The following OR2L13 variants were observed in gnomAD, a reference collection of about 807,000 sequenced individuals.
OR2L13 encodes the protein olfactory receptor 2L13.
A neutral mutation model predicts 15.3 loss-of-function variants in OR2L13; 14 were observed. The observed-to-expected ratio is 0.91, with a 90% CI of 0.60 to 1.43. The LOEUF (loss-of-function observed/expected upper bound fraction) is 1.43, where lower values mean the gene tolerates loss of function less well. OR2L13 is among the 40% of genes most tolerant of loss of function. OR2L13 has a pLI of 0.00. For missense variants in OR2L13, 367 were observed against 387.9 expected (o/e 0.95, Z 0.45); for synonymous variants, 152 against 142.9 (o/e 1.06, Z -0.45).
the OR2L13 span, among the ~76,000 whole-genome samples, chr1:248,071,831 T>A: frequency 6.7e-6 from 1 of 149,350 alleles, no homozygotes; most frequent in Admixed American, 6.7e-5. Flanking sequence ...TATACACCAA[T>A]AACAGACAAA....
the OR2L13 span, among the ~76,000 whole-genome samples, chr1:248,050,406 C>A: frequency 6.6e-6 from 1 of 152,092 alleles, no homozygotes; most frequent in South Asian, 2.1e-4. Context: ...ATATCTTCTT[C>A]ACATTATTGA....
At chr1:248,084,725 A>G in the OR2L13 span, 199 of 1,386,732 alleles carry the variant, frequency 1.4e-4, no homozygotes, top group Non-Finnish European at 1.9e-4. Context: ...TGAATATTTT[A>G]GACTTCATCT....
At chr1:247,945,101 GGT>G in the OR2L13 span, among the ~76,000 whole-genome samples, 1 of 151,538 alleles carries the variant, frequency 6.6e-6, no homozygotes, top group African/African-American at 2.4e-5. Context: ...GTGATGTTAG[GGT>G]GTCGATTTGA....
At chr1:248,014,320 A>G in the OR2L13 span, among the ~76,000 whole-genome samples, 1 of 152,102 alleles carries the variant, frequency 6.6e-6, no homozygotes, top group Non-Finnish European at 1.5e-5. Context: ...CTGTAGAGCA[A>G]TGATATAGTT....
At chr1:248,077,194 A>C in the OR2L13 span, among the ~76,000 whole-genome samples, 33 of 152,336 alleles carry the variant, frequency 2.2e-4, no homozygotes, top group African/African-American at 6.7e-4. Flanking sequence ...GATGAAGCCC[A>C]CTTGATCATG....
chr1:247,959,096 A>G, the OR2L13 span, among the ~76,000 whole-genome samples: 248 of 152,154 alleles, frequency 1.6e-3, 3 homozygotes, highest in Admixed American at 9.8e-3. Context: ...GTTCCTTTCC[A>G]TCTTTAGTGC....
At chr1:248,085,431 T>TAAAAA in the OR2L13 span, among the ~76,000 whole-genome samples, 1 of 80,894 alleles carries the variant, frequency 1.2e-5, no homozygotes, top group African/African-American at 6.0e-5. Context: ...TAAAATAAAA[T>TAAAAA]AAAATAATAA....
At chr1:248,020,239 G>T in the OR2L13 span, among the ~76,000 whole-genome samples, 1 of 152,130 alleles carries the variant, frequency 6.6e-6, no homozygotes, top group Non-Finnish European at 1.5e-5. Context: ...AGTCAGACAA[G>T]AGAAAGAAAT....
At chr1:247,959,308 A>G in the OR2L13 span, among the ~76,000 whole-genome samples, 1 of 152,140 alleles carries the variant, frequency 6.6e-6, no homozygotes, top group Non-Finnish European at 1.5e-5. Context: ...CTGCTGAGAG[A>G]TCTGCTGTTA....
At chr1:247,941,954 T>C in the OR2L13 span, among the ~76,000 whole-genome samples, 1 of 152,170 alleles carries the variant, frequency 6.6e-6, no homozygotes, top group Non-Finnish European at 1.5e-5. Context: ...CTGGGAATTA[T>C]TGTGTTACTA....
At chr1:248,061,488 G>C in the OR2L13 span, 1 of 1,613,802 alleles carries the variant, frequency 6.2e-7, no homozygotes, top group African/African-American at 1.3e-5. Flanking sequence ...CTCCAACAGA[G>C]GACAAGGTTC....
the OR2L13 span, chr1:247,975,032 A>T: frequency 3.1e-6 from 1 of 322,086 alleles, no homozygotes; most frequent in African/African-American, 2.2e-5. Flanking sequence ...TGGGTGTGGA[A>T]TTCAGAGTTT....
At chr1:248,028,140 CAAAAAAAAAAAAAA>C in the OR2L13 span, among the ~76,000 whole-genome samples, 6 of 37,780 alleles carry the variant, frequency 1.6e-4, no homozygotes, top group African/African-American at 5.6e-4. Flanking sequence ...GATTCCGTCT[CAAAAAAAAAAAAAA>C]AAAAAAAAAA....
At chr1:248,035,294 C>T in the OR2L13 span, among the ~76,000 whole-genome samples, 2 of 151,964 alleles carry the variant, frequency 1.3e-5, no homozygotes, top group Non-Finnish European at 2.9e-5. Context: ...ACTAAAAATA[C>T]AAAAATTTAG....
the OR2L13 span, among the ~76,000 whole-genome samples, chr1:248,032,573 A>T: frequency 0.037 from 5,590 of 151,860 alleles, 349 homozygotes; most frequent in African/African-American, 0.13. Context: ...AAATTTGACT[A>T]CTCTGGGTAC....
chr1:247,997,576 A>G, the OR2L13 span, among the ~76,000 whole-genome samples: 1 of 152,202 alleles, frequency 6.6e-6, no homozygotes, highest in African/African-American at 2.4e-5. Context: ...TGAGAGAGAA[A>G]TTAGTGAATG....
chr1:247,958,350 CT>C, the OR2L13 span, among the ~76,000 whole-genome samples: 1 of 152,184 alleles, frequency 6.6e-6, no homozygotes, highest in East Asian at 1.9e-4. Context: ...CTGAGGAGTG[CT>C]TTACTTCCAA....
chr1:248,090,712 GT>G (rs1664576482), upstream of OR2L13, among the ~76,000 whole-genome samples: 1 of 152,144 alleles, frequency 6.6e-6, no homozygotes, highest in African/African-American at 2.4e-5. Context: ...TTGATTCCAT[GT>G]CTTCGCTATT....
chr1:247,957,921 G>GT, the OR2L13 span, among the ~76,000 whole-genome samples: 1 of 151,816 alleles, frequency 6.6e-6, no homozygotes, highest in African/African-American at 2.4e-5. Context: ...TTTTTGAAGG[G>GT]TTTTTGTGCC....
Sources: allele counts gnomAD v4.1 joint callset (sites outside exome capture counted in the v4.1 genomes callset), GRCh38; gene constraint gnomAD v4.1.1; transcripts MANE v1.5; gene names NCBI Gene and HGNC (gene_info 2026-07-23, HGNC 2026-07-21).